PRKCB: variants seen among roughly 807,000 people sequenced by gnomAD.
PRKCB encodes the protein protein kinase C beta, also known as protein kinase C beta type.
Under a neutral mutation model 81.5 loss-of-function variants are expected in PRKCB, and 13 were observed. The observed-to-expected ratio is 0.16, with a 90% CI of 0.10 to 0.25. The LOEUF (loss-of-function observed/expected upper bound fraction) is 0.25, where lower values mean the gene tolerates loss of function less well. Among genes scored for constraint, PRKCB ranks in the 10% least tolerant of loss-of-function variants. The pLI is 1.00. For missense variants in PRKCB, 509 were observed against 875.7 expected, an observed-to-expected ratio of 0.58 and a Z score of 5.29; for synonymous variants, 335 against 321.4, an observed-to-expected ratio of 1.04 and a Z score of -0.45.
chr16:23,839,909 C>A (rs547920225), intron 2 of PRKCB, among the ~76,000 whole-genome samples: 1 of 152,140 alleles, frequency 6.6e-6, no homozygotes, highest in Admixed American at 6.5e-5. Flanking sequence ...GCAGCTGGCA[C>A]GAGAGAAGAC....
intron 7 of PRKCB, among the ~76,000 whole-genome samples, chr16:24,105,058 T>TTTA (rs1966557011): frequency 6.6e-6 from 1 of 151,562 alleles, no homozygotes. Flanking sequence ...TTGTTGGATT[T>TTTA]TTTTTTTTTT....
At chr16:24,213,108 G>T (rs1038680894) in intron 16 of PRKCB, among the ~76,000 whole-genome samples, 2 of 151,552 alleles carry the variant, frequency 1.3e-5, no homozygotes, top group African/African-American at 2.4e-5. Flanking sequence ...GATCTCAGCC[G>T]ACTGCAACCT....
intron 5 of PRKCB, among the ~76,000 whole-genome samples, chr16:24,081,832 C>G (rs1250911008): frequency 1.3e-5 from 2 of 151,854 alleles, no homozygotes; most frequent in Non-Finnish European, 2.9e-5. Flanking sequence ...GATTGCACCA[C>G]TGCACTCCAG....
At chr16:24,097,602 A>G (rs1173527019) in intron 7 of PRKCB, among the ~76,000 whole-genome samples, 5 of 152,178 alleles carry the variant, frequency 3.3e-5, no homozygotes, top group Admixed American at 6.5e-5. Flanking sequence ...TATTTTGCCA[A>G]GGTTAAGGAT....
chr16:23,889,195 T>C (rs931282315), intron 2 of PRKCB, among the ~76,000 whole-genome samples: 6 of 151,982 alleles, frequency 3.9e-5, no homozygotes, highest in Admixed American at 3.9e-4. Context: ...CAATGTAGTG[T>C]AATGATTAAG....
chr16:23,890,934 ATTTATC>A (rs1445987932), intron 2 of PRKCB, among the ~76,000 whole-genome samples: 1 of 152,112 alleles, frequency 6.6e-6, no homozygotes, highest in Non-Finnish European at 1.5e-5. Context: ...TGAATGGGAC[ATTTATC>A]TTTATATATG....
At position 24,012,182 on chromosome 16, in the gene PRKCB, C is replaced by T. The variant is rs151260130; in HGVS notation, c.289-19954C>T. ...CTCTCCATGGCCAAATCCTATAGTG[C>T]CTCCTAAATAATTATAGCTGACATG... On this transcript the variant is annotated intron_variant, in intron 3 of 16. Coordinates refer to ENST00000643927, the MANE Select transcript of PRKCB (RefSeq NM_002738.7). Among the ~76,000 whole-genome samples the T allele has an allele frequency of 5.3e-3, 802 of 152,320 alleles. 9 individuals are homozygous for T. The highest frequency in any genetic ancestry group is 0.019 in the African/African-American group (775 of 41,560).
intron 2 of PRKCB, among the ~76,000 whole-genome samples, chr16:23,932,051 C>T (rs945812367): frequency 6.6e-6 from 1 of 151,912 alleles, no homozygotes; most frequent in Non-Finnish European, 1.5e-5. Flanking sequence ...AAAGATCTAA[C>T]CAAATTTACA....
At chr16:23,947,457 C>T (rs1313722164) in intron 2 of PRKCB, among the ~76,000 whole-genome samples, 2 of 152,128 alleles carry the variant, frequency 1.3e-5, no homozygotes, top group Non-Finnish European at 2.9e-5. Flanking sequence ...CATGTCCTTT[C>T]CCCTTTTTAG....
chr16:24,157,722 G>C (rs188792494), intron 10 of PRKCB, among the ~76,000 whole-genome samples: 2 of 149,360 alleles, frequency 1.3e-5, no homozygotes, highest in African/African-American at 5.0e-5. Context: ...ATGAGAGTGA[G>C]TGAATTCTCA....
intron 2 of PRKCB, among the ~76,000 whole-genome samples, chr16:23,974,450 G>T: frequency 6.6e-6 from 1 of 152,162 alleles, no homozygotes; most frequent in African/African-American, 2.4e-5. Context: ...GATAGGGAAG[G>T]GCTGGAGAAC....
intron 2 of PRKCB, among the ~76,000 whole-genome samples, chr16:23,848,572 AT>A: frequency 6.6e-6 from 1 of 152,064 alleles, no homozygotes; most frequent in African/African-American, 2.4e-5. Context: ...GTAGAAATGA[AT>A]TTTCCTCTGA....
chr16:24,104,382 G>A (rs545988843), intron 7 of PRKCB, among the ~76,000 whole-genome samples: 12 of 152,292 alleles, frequency 7.9e-5, no homozygotes, highest in Admixed American at 1.3e-4. Context: ...TACACAGTGA[G>A]CACCTGCTGT....
chr16:24,138,982 G>T (rs1055624617), intron 9 of PRKCB, among the ~76,000 whole-genome samples: 1 of 150,842 alleles, frequency 6.6e-6, no homozygotes, highest in Non-Finnish European at 1.5e-5. Context: ...CTCCTGAGTA[G>T]CTGAGATTAC....
intron 7 of PRKCB, chr16:24,099,299 C>G (rs535518137): frequency 6.6e-6 from 1 of 152,316 alleles, no homozygotes; most frequent in East Asian, 1.9e-4. Context: ...AGAAGGGACT[C>G]TATATGCTGC....
chr16:24,035,605 A>C, intron 5 of PRKCB, 58 bp downstream of exon 5: 24 of 477,602 alleles, frequency 5.0e-5, no homozygotes, highest in East Asian at 2.6e-4. Context: ...GTGATTGAGA[A>C]GGGGAGGGTG....
intron 5 of PRKCB, among the ~76,000 whole-genome samples, chr16:24,067,744 A>G (rs1966054973): frequency 6.6e-6 from 1 of 152,112 alleles, no homozygotes; most frequent in Admixed American, 6.5e-5. Context: ...AGGTGGGTGG[A>G]TCATCTGAGA....
At chr16:24,200,162 A>G (rs1281459502) in intron 16 of PRKCB, among the ~76,000 whole-genome samples, 1 of 152,212 alleles carries the variant, frequency 6.6e-6, no homozygotes, top group Non-Finnish European at 1.5e-5. Flanking sequence ...CCTCTGAAAG[A>G]AGGGCATGGC....
intron 2 of PRKCB, among the ~76,000 whole-genome samples, chr16:23,968,057 G>T (rs961338255): frequency 6.6e-6 from 1 of 152,164 alleles, no homozygotes; most frequent in Non-Finnish European, 1.5e-5. Flanking sequence ...TCCCTGTTGT[G>T]CTTTACCCAC....
Sources: allele counts gnomAD v4.1 joint callset (sites outside exome capture counted in the v4.1 genomes callset), GRCh38; gene constraint gnomAD v4.1.1; transcripts MANE v1.5; gene names NCBI Gene and HGNC (gene_info 2026-07-23, HGNC 2026-07-21).